Variants in HIVEP3 observed in about 807,000 individuals in gnomAD.
HIVEP3 encodes HIVEP zinc finger 3, also known as transcription factor HIVEP3.
A neutral mutation model predicts 152.8 loss-of-function variants in HIVEP3; 49 were observed. That is an observed-to-expected ratio of 0.32 (90% confidence interval 0.26 to 0.41). The LOEUF is 0.41. HIVEP3 is among the 10% of genes least tolerant of loss of function. HIVEP3 has a pLI of 1.00. For synonymous variants in HIVEP3, 1,269 were observed against 1,289.0 expected (o/e 0.98, Z 0.33); for missense variants, 2,790 against 3,103.3 (o/e 0.90, Z 2.40).
At chr1:41,856,412 A>G (rs1643767046) in intron 1 of HIVEP3, among the ~76,000 whole-genome samples, 1 of 152,200 alleles carries the variant, frequency 6.6e-6, no homozygotes, top group East Asian at 1.9e-4. Flanking sequence ...CAGTGTGAAC[A>G]TCAGCACGGT....
intron 3 of HIVEP3, among the ~76,000 whole-genome samples, chr1:41,599,270 A>G (rs1189912939): frequency 6.6e-6 from 1 of 152,246 alleles, no homozygotes; most frequent in Non-Finnish European, 1.5e-5. Flanking sequence ...AAATGAATAA[A>G]TGATAGGCCT....
At chr1:41,926,166 C>A (rs746594682) in intron 1 of HIVEP3, among the ~76,000 whole-genome samples, 5 of 152,170 alleles carry the variant, frequency 3.3e-5, no homozygotes, top group Non-Finnish European at 7.4e-5. Context: ...AGTCATTGTT[C>A]TATTAGGTCT....
intron 2 of HIVEP3, 58 bp from the exon 3 acceptor site, chr1:41,629,005 C>T: frequency 8.4e-7 from 1 of 1,191,008 alleles, no homozygotes; most frequent in Non-Finnish European, 1.0e-6. Context: ...CTTTTTTAGA[C>T]ACAGAACAAT....
chr1:41,642,990 T>C (rs780093876), intron 2 of HIVEP3, among the ~76,000 whole-genome samples: 10 of 152,106 alleles, frequency 6.6e-5, no homozygotes, highest in Non-Finnish European at 1.3e-4. Flanking sequence ...CCACCTTCCA[T>C]ATGTCACCAG....
intron 1 of HIVEP3, among the ~76,000 whole-genome samples, chr1:41,768,628 G>A (rs1359331730): frequency 6.6e-6 from 1 of 152,208 alleles, no homozygotes; most frequent in African/African-American, 2.4e-5. Flanking sequence ...CCTTGTTGGG[G>A]TGTGAAACCC....
At chr1:41,888,202 AT>A (rs61561436) in intron 1 of HIVEP3, among the ~76,000 whole-genome samples, 37,456 of 99,568 alleles carry the variant, frequency 0.38, 4,879 homozygotes, top group African/African-American at 0.4. Context: ...CGCCCGGCTA[AT>A]TTTTTTTTTT....
At chr1:41,775,503 T>A (rs961308392) in intron 1 of HIVEP3, among the ~76,000 whole-genome samples, 2 of 152,080 alleles carry the variant, frequency 1.3e-5, no homozygotes, top group Non-Finnish European at 1.5e-5. Context: ...GTTTTTTTGT[T>A]TTTTTGAGAT....
chr1:41,606,985 TTTTTTA>T (rs1644831034), intron 3 of HIVEP3, among the ~76,000 whole-genome samples: 1 of 152,132 alleles, frequency 6.6e-6, no homozygotes, highest in Non-Finnish European at 1.5e-5. Flanking sequence ...TGTTTCTTTT[TTTTTTA>T]TTTTTATTTT....
intron 1 of HIVEP3, among the ~76,000 whole-genome samples, chr1:41,931,956 T>G (rs1205686283): frequency 6.6e-6 from 1 of 151,942 alleles, no homozygotes; most frequent in Non-Finnish European, 1.5e-5. Flanking sequence ...CTTGCCTTAT[T>G]GTACTATAGG....
chr1:42,002,724 C>T (rs983807864), intron 1 of HIVEP3, among the ~76,000 whole-genome samples: 79 of 152,310 alleles, frequency 5.2e-4, no homozygotes, highest in African/African-American at 1.5e-3. Context: ...TGGGGTTCCA[C>T]TCTCCTGTAC....
chr1:41,795,586 A>G (rs1424503765), intron 1 of HIVEP3, among the ~76,000 whole-genome samples: 3 of 152,202 alleles, frequency 2.0e-5, no homozygotes, highest in African/African-American at 4.8e-5. Context: ...CTGGAAGGGG[A>G]GTAGTATATA....
chr1:41,807,275 C>G (rs1650687505), intron 1 of HIVEP3, among the ~76,000 whole-genome samples: 1 of 152,136 alleles, frequency 6.6e-6, no homozygotes. Flanking sequence ...GAAGCTAGGA[C>G]AGGAGGGGCA....
chr1:41,637,873 G>C (rs1228530746), intron 2 of HIVEP3, among the ~76,000 whole-genome samples: 2 of 152,242 alleles, frequency 1.3e-5, no homozygotes, highest in African/African-American at 2.4e-5. Flanking sequence ...TGGGGGGTCA[G>C]TGTTTAATAA....
At chr1:41,605,109 A>G (rs796841706) in intron 3 of HIVEP3, among the ~76,000 whole-genome samples, 67 of 37,440 alleles carry the variant, frequency 1.8e-3, no homozygotes, top group African/African-American at 4.0e-3. Context: ...TGTCTCCAAT[A>G]AAAAAAAAAA....
intron 3 of HIVEP3, among the ~76,000 whole-genome samples, chr1:41,615,369 C>G (rs1006716847): frequency 1.3e-5 from 2 of 152,238 alleles, no homozygotes; most frequent in Non-Finnish European, 2.9e-5. Flanking sequence ...GGGCTGCCCC[C>G]CATCTCCTCC....
At chr1:41,637,059 C>CA (rs1283069099) in intron 2 of HIVEP3, among the ~76,000 whole-genome samples, 1 of 151,904 alleles carries the variant, frequency 6.6e-6, no homozygotes, top group Non-Finnish European at 1.5e-5. Flanking sequence ...GAGTCGTCAT[C>CA]AAATACTTCT....
intron 5 of HIVEP3, among the ~76,000 whole-genome samples, chr1:41,562,974 T>G (rs1235713198): frequency 6.6e-6 from 1 of 152,018 alleles, no homozygotes; most frequent in African/African-American, 2.4e-5. Context: ...GCCTGGAGGT[T>G]TCTTCTCTGC....
intron 1 of HIVEP3, among the ~76,000 whole-genome samples, chr1:41,950,099 G>A (rs531151040): frequency 2.5e-3 from 385 of 152,204 alleles, no homozygotes; most frequent in African/African-American, 7.9e-3. Flanking sequence ...GCTCACACCC[G>A]ACCAATCAGG....
chr1:41,858,491 A>G (rs1643831770), intron 1 of HIVEP3, among the ~76,000 whole-genome samples: 1 of 152,134 alleles, frequency 6.6e-6, no homozygotes, highest in South Asian at 2.1e-4. Context: ...CTCACCTTCC[A>G]TGGTCTCCAA....
Sources: gnomAD v4.1 joint callset for allele counts (sites outside exome capture counted in the v4.1 genomes callset) on GRCh38, gnomAD v4.1.1 for gene constraint, MANE v1.5 for transcripts, NCBI Gene and HGNC (gene_info 2026-07-23, HGNC 2026-07-21) for gene names.